MRPS28: variants seen among roughly 807,000 people sequenced by gnomAD.
MRPS28 encodes mitochondrial ribosomal protein S28.
In MRPS28, 7 loss-of-function variants were observed where a neutral mutation model predicts 10.8. The ratio of observed to expected loss-of-function variants is 0.65; its 90% CI spans 0.37 to 1.22. The LOEUF is 1.22. Among genes scored for constraint, MRPS28 ranks in the 50% most tolerant of loss-of-function variants. The probability of loss-of-function intolerance (pLI) is 0.02; values close to 1 mark genes in which losing one functional copy is unlikely to be tolerated. For missense variants in MRPS28, 265 were observed against 232.9 expected (o/e 1.14, Z -0.90); for synonymous variants, 121 against 93.3 (o/e 1.30, Z -1.71).
At chr8:79,997,705 AT>A (rs1467463597) in intron 2 of MRPS28, among the ~76,000 whole-genome samples, 1 of 152,114 alleles carries the variant, frequency 6.6e-6, no homozygotes, top group Non-Finnish European at 1.5e-5. Context: ...CTGTATTCAA[AT>A]TTTATTAGTT....
rs1207244187 is a variant in MRPS28 at position 80,028,655 on chromosome 8, GGGC to G, written c.213+1378_213+1380del. On this transcript the variant is annotated intron_variant, in intron 1 of 2. Transcript: ENST00000276585. ...CTCAAAAGCAGAAGACGGGCGGGGG[GGGC>G]GGGGCCGGGCGGGGTCAGCCAGGCC... 4 of 104,606 alleles carry G rather than the reference GGGC, an allele frequency of 3.8e-5. 1 individual carries two copies. Among genetic ancestry groups the G allele is most frequent in the Admixed American group, 3.6e-4 (4 of 11,218 alleles). 6.5% of individuals were successfully genotyped at this position (104,606 alleles called of 1,614,324 possible). A position where few individuals can be genotyped will look rare whatever the true frequency, so the allele number is the denominator to read the frequency against.
intron 2 of MRPS28, among the ~76,000 whole-genome samples, chr8:79,922,905 A>G (rs1810132278): frequency 1.3e-5 from 2 of 152,098 alleles, no homozygotes; most frequent in Non-Finnish European, 2.9e-5. Context: ...AGTTCTCAAA[A>G]AAGTCACTGG....
intron 2 of MRPS28, among the ~76,000 whole-genome samples, chr8:79,926,424 C>T (rs1289218881): frequency 6.6e-6 from 1 of 152,150 alleles, no homozygotes. Context: ...CCTTGCAAGT[C>T]TGACAAGAGG....
chr8:80,015,330 T>A (rs1000579249), intron 1 of MRPS28, among the ~76,000 whole-genome samples: 1 of 152,238 alleles, frequency 6.6e-6, no homozygotes, highest in Non-Finnish European at 1.5e-5. Flanking sequence ...AAAACTATCA[T>A]GCATATGACA....
chr8:79,920,652 A>T (rs1002089798), intron 2 of MRPS28, among the ~76,000 whole-genome samples: 1 of 151,962 alleles, frequency 6.6e-6, no homozygotes, highest in Non-Finnish European at 1.5e-5. Context: ...TTTTTCTTGT[A>T]AATTTGCTTG....
intron 2 of MRPS28, chr8:79,958,204 T>C: frequency 1.8e-6 from 1 of 544,472 alleles, no homozygotes; most frequent in South Asian, 2.5e-5. Context: ...TAATCTACTT[T>C]CTGTCTCTGT....
chr8:79,953,798 G>T (rs1807137940), intron 2 of MRPS28, among the ~76,000 whole-genome samples: 1 of 151,998 alleles, frequency 6.6e-6, no homozygotes, highest in South Asian at 2.1e-4. Context: ...ACCAAGAAAG[G>T]GTTGCTACCC....
At chr8:79,920,190 T>C (rs898403313) in intron 2 of MRPS28, among the ~76,000 whole-genome samples, 1 of 152,162 alleles carries the variant, frequency 6.6e-6, no homozygotes, top group African/African-American at 2.4e-5. Flanking sequence ...TAGTCTATCA[T>C]TGTTGGACAT....
chr8:79,944,464 T>C lies in MRPS28; in HGVS notation c.396-25316A>G, dbSNP rs553561225. On this transcript the variant is annotated intron_variant, in intron 2 of 2. Transcript: ENST00000276585. The stretch of plus-strand genomic sequence containing the variant: ...AATACATTTCTATATGCTACGTTTA[T>C]ATGTGCAGCAAAATTTGGTCTGAGA... Among the ~76,000 whole-genome samples, 19 of 152,320 alleles carry C rather than the reference T, an allele frequency of 1.2e-4. No homozygotes were observed. In the South Asian group the frequency reaches 1.5e-3, roughly 12 times the overall value.
At chr8:79,950,272 G>A (rs1197030357) in intron 2 of MRPS28, among the ~76,000 whole-genome samples, 1 of 152,134 alleles carries the variant, frequency 6.6e-6, no homozygotes, top group Non-Finnish European at 1.5e-5. Flanking sequence ...GGCATAAACA[G>A]TAACCAAGTC....
At position 80,018,999 on chromosome 8, in the gene MRPS28, G is replaced by T. The variant is rs78982719; in HGVS notation, c.213+11037C>A. 5.2e-3 allele frequency among the ~76,000 whole-genome samples: 790 copies of T among 152,110 alleles called. 14 individuals are homozygous for T. Among genetic ancestry groups the T allele is most frequent in the Admixed American group, 0.037 (561 of 15,284 alleles). ...GATGGTTACCCAGACGCTGGGAAGGGTATTGGGGGTTTGTACCTATTAACC... is the reference window on the plus strand; with the variant it reads ...GATGGTTACCCAGACGCTGGGAAGGTTATTGGGGGTTTGTACCTATTAACC... On this transcript the variant is annotated intron_variant, in intron 1 of 2. Coordinates refer to ENST00000276585, the MANE Select transcript of MRPS28 (RefSeq NM_014018.3).
intron 2 of MRPS28, among the ~76,000 whole-genome samples, chr8:79,985,491 G>T (rs1053335453): frequency 6.6e-6 from 1 of 152,084 alleles, no homozygotes; most frequent in African/African-American, 2.4e-5. Context: ...CCAGGAGCTG[G>T]TTTTTTGAAA....
chr8:79,987,284 A>G (rs1808215099), intron 2 of MRPS28, among the ~76,000 whole-genome samples: 1 of 152,032 alleles, frequency 6.6e-6, no homozygotes, highest in Non-Finnish European at 1.5e-5. Flanking sequence ...TTCAAGATGG[A>G]TTAAAGACTT....
chr8:79,966,582 C>A (rs972540083), intron 2 of MRPS28, among the ~76,000 whole-genome samples: 1 of 151,980 alleles, frequency 6.6e-6, no homozygotes, highest in African/African-American at 2.4e-5. Context: ...TGTAACTCAT[C>A]AGTCAAAAAA....
chr8:80,027,373 A>C (rs775461547), intron 1 of MRPS28, among the ~76,000 whole-genome samples: 11 of 152,190 alleles, frequency 7.2e-5, no homozygotes, highest in Middle Eastern at 3.2e-3. Context: ...GCCCAAAGTC[A>C]CTCAGTTGAA....
chr8:79,928,441 A>G (rs1208408313), intron 2 of MRPS28, among the ~76,000 whole-genome samples: 2 of 150,438 alleles, frequency 1.3e-5, no homozygotes, highest in Admixed American at 6.6e-5. Flanking sequence ...AATTTGGAGT[A>G]TATATATATA....
At chr8:79,943,230 A>T (rs1232390779) in intron 2 of MRPS28, among the ~76,000 whole-genome samples, 1 of 152,226 alleles carries the variant, frequency 6.6e-6, no homozygotes, top group African/African-American at 2.4e-5. Context: ...AAAAATCTTT[A>T]GTACTGGCAA....
chr8:80,026,023 G>A (rs1809485956), intron 1 of MRPS28, among the ~76,000 whole-genome samples: 1 of 151,974 alleles, frequency 6.6e-6, no homozygotes, highest in Non-Finnish European at 1.5e-5. Flanking sequence ...TAAGAAAAAG[G>A]GACTTTTACA....
intron 2 of MRPS28, among the ~76,000 whole-genome samples, chr8:79,954,321 T>C (rs554936649): frequency 1.3e-5 from 2 of 152,244 alleles, no homozygotes; most frequent in South Asian, 4.1e-4. Context: ...TGACCAGCAA[T>C]TTTACATATA....
Sources: gnomAD v4.1 joint callset for allele counts (sites outside exome capture counted in the v4.1 genomes callset) on GRCh38, gnomAD v4.1.1 for gene constraint, MANE v1.5 for transcripts, NCBI Gene and HGNC (gene_info 2026-07-23, HGNC 2026-07-21) for gene names.